SAMD3: variants seen among roughly 807,000 people sequenced by gnomAD.
SAMD3 encodes sterile alpha motif domain containing 3.
SAMD3 carries 63 observed loss-of-function variants against 58.5 expected under a neutral mutation model. The ratio of observed to expected loss-of-function variants is 1.08; its 90% confidence interval spans 0.88 to 1.33. The LOEUF (loss-of-function observed/expected upper bound fraction) is 1.33, where lower values mean the gene tolerates loss of function less well. SAMD3 is among the 40% of genes most tolerant of loss of function. The pLI, the probability that SAMD3 is intolerant of heterozygous loss-of-function variation, is 0.00. For missense variants in SAMD3, 604 were observed against 608.4 expected (o/e 0.99, Z 0.08); for synonymous variants, 220 against 210.3 (o/e 1.05, Z -0.40).
chr6:130,184,141 G>A lies in SAMD3; in HGVS notation c.616C>T (p.Gln206Ter), dbSNP rs1239640517. ...TCCTCATCCAGGAAAGGGTGGGCCT[G>A]CAGCAGGGCATTAACCACGTCATTG... ...QYNDVVNALL[Q>*]AHPFLDEDGC... Residue 206 changes from glutamine to a stop codon, truncating the protein, a stop_gained, in exon 7 of 12, where the codon CAG becomes TAG. Coordinates refer to ENST00000439090, the MANE Select transcript of SAMD3 (RefSeq NM_001017373.4). LOFTEE classifies it high-confidence loss of function. 5.0e-6 allele frequency: 8 copies of A among 1,613,996 alleles called. No homozygotes were observed. Among genetic ancestry groups the A allele is most frequent in the African/African-American group, 4.0e-5 (3 of 74,932 alleles).
At chr6:130,335,424 C>A (rs1445279875) in intron 1 of SAMD3, among the ~76,000 whole-genome samples, 4 of 152,164 alleles carry the variant, frequency 2.6e-5, no homozygotes, top group Non-Finnish European at 5.9e-5. Flanking sequence ...CTGTGTCCTA[C>A]TAAGTGAAGG....
At chr6:130,354,227 G>A (rs1777760978) in intron 1 of SAMD3, among the ~76,000 whole-genome samples, 1 of 152,232 alleles carries the variant, frequency 6.6e-6, no homozygotes. Context: ...CTGTTGGTGG[G>A]AGTGTAAATT....
intron 1 of SAMD3, among the ~76,000 whole-genome samples, chr6:130,351,818 G>A (rs1777678596): frequency 1.3e-5 from 2 of 152,120 alleles, no homozygotes; most frequent in Admixed American, 1.3e-4. Flanking sequence ...CAACCCAAAT[G>A]TCCATCAATG....
At chr6:130,215,817 GAGA>G (rs1562460187) in intron 2 of SAMD3, 4 of 1,534,882 alleles carry the variant, frequency 2.6e-6, no homozygotes, top group East Asian at 2.4e-5. Context: ...TCCTGGCTAG[GAGA>G]AGGAGATTGT....
intron 2 of SAMD3, among the ~76,000 whole-genome samples, chr6:130,277,711 TGTG>T (rs763899690): frequency 1.3e-5 from 2 of 152,278 alleles, no homozygotes; most frequent in East Asian, 3.9e-4. Context: ...TGGTTTATAA[TGTG>T]GTAACAAGCA....
intron 1 of SAMD3, among the ~76,000 whole-genome samples, chr6:130,219,009 T>G (rs1439828782): frequency 2.0e-5 from 3 of 152,186 alleles, no homozygotes; most frequent in Admixed American, 1.3e-4. Context: ...AAAGATTATT[T>G]AGGCAGCTGA....
rs550566716 is a variant in SAMD3 at position 130,173,023 on chromosome 6, C to T, written c.822+2818G>A. On this transcript the variant is annotated intron_variant, in intron 8 of 11. Transcript: ENST00000439090. ...CACTATGGATACTTGACGAAGTTCT[C>T]GTCCTGTGTTTTTCAGCTCCATCAG... is the stretch of plus-strand genomic sequence containing the variant. Among the ~76,000 whole-genome samples, 9 of 152,182 alleles carry T rather than the reference C, an allele frequency of 5.9e-5. No homozygotes were observed. In the South Asian group the frequency reaches 1.5e-3, roughly 25 times the overall value.
At chr6:130,247,907 G>T (rs1386985435) in intron 2 of SAMD3, among the ~76,000 whole-genome samples, 1 of 152,070 alleles carries the variant, frequency 6.6e-6, no homozygotes, top group Non-Finnish European at 1.5e-5. Flanking sequence ...TCTACCTCTA[G>T]TGTGTTTCTG....
chr6:130,150,068 T>G (rs1443916537), intron 9 of SAMD3, among the ~76,000 whole-genome samples: 1 of 152,190 alleles, frequency 6.6e-6, no homozygotes, highest in Non-Finnish European at 1.5e-5. Context: ...CAGATAACTG[T>G]TCTTTTCAGC....
intron 2 of SAMD3, among the ~76,000 whole-genome samples, chr6:130,287,446 T>C (rs1423383956): frequency 1.3e-5 from 2 of 152,160 alleles, no homozygotes; most frequent in Admixed American, 6.5e-5. Flanking sequence ...AAAAGCAGAA[T>C]AAATAACTAT....
Position 130,144,694 on chromosome 6 carries a change from A to C in SAMD3, c.1389T>G (p.Val463=), listed in dbSNP as rs1209748381. Residue 463 remains valine, a synonymous_variant, in exon 12 of 12, where the codon GTT becomes GTG. Coordinates refer to ENST00000439090, the MANE Select transcript of SAMD3 (RefSeq NM_001017373.4). ...RERLTKVDDC[V]TALAALVAAF... The stretch of plus-strand genomic sequence containing the variant: ...CAGCTACTAGCGCAGCCAAGGCTGT[A>C]ACACAGTCGTCCACCTTTGTGAGCC... 1 of 1,614,086 alleles carries C rather than the reference A, an allele frequency of 6.2e-7. No individual in the cohort carries two copies. Among genetic ancestry groups the C allele is most frequent in the South Asian group, 1.1e-5 (1 of 90,986 alleles).
At chr6:130,255,999 CTTCT>C (rs1250504499) in intron 2 of SAMD3, among the ~76,000 whole-genome samples, 1 of 151,590 alleles carries the variant, frequency 6.6e-6, no homozygotes, top group Non-Finnish European at 1.5e-5. Context: ...AGGTATTTTG[CTTCT>C]TTCTTTCTTG....
intron 2 of SAMD3, among the ~76,000 whole-genome samples, chr6:130,238,143 A>C (rs1461983379): frequency 6.6e-6 from 1 of 152,216 alleles, no homozygotes; most frequent in African/African-American, 2.4e-5. Flanking sequence ...TTTATAAAAA[A>C]ACAAATTTTC....
chr6:130,273,602 G>GTT (rs1774653767), intron 2 of SAMD3, among the ~76,000 whole-genome samples: 2 of 127,704 alleles, frequency 1.6e-5, no homozygotes, highest in Non-Finnish European at 3.3e-5. Flanking sequence ...GCATTTTATT[G>GTT]ATTTTTTTTG....
intron 5 of SAMD3, among the ~76,000 whole-genome samples, chr6:130,191,053 C>T (rs997242280): frequency 6.6e-6 from 1 of 151,494 alleles, no homozygotes; most frequent in African/African-American, 2.4e-5. Context: ...CAATACTTGA[C>T]CATACTAGAT....
chr6:130,143,779 G>T (rs1373710989), downstream of SAMD3: 1 of 152,248 alleles, frequency 6.6e-6, no homozygotes. Context: ...GAGGGAGAGT[G>T]CACTGAGTCT....
intron 2 of SAMD3, among the ~76,000 whole-genome samples, chr6:130,265,308 T>G (rs1774301118): frequency 6.6e-6 from 1 of 152,118 alleles, no homozygotes; most frequent in Non-Finnish European, 1.5e-5. Flanking sequence ...GAGCTGTACG[T>G]GGATGGGAGC....
intron 2 of SAMD3, among the ~76,000 whole-genome samples, chr6:130,290,069 T>C (rs911449016): frequency 3.9e-5 from 6 of 152,232 alleles, no homozygotes; most frequent in African/African-American, 1.4e-4. Flanking sequence ...TGATAAAGGT[T>C]ATATAATATA....
At chr6:130,212,623 A>G (rs2114838429) in intron 4 of SAMD3, among the ~76,000 whole-genome samples, 1 of 152,366 alleles carries the variant, frequency 6.6e-6, no homozygotes, top group Non-Finnish European at 1.5e-5. Flanking sequence ...CCAACATTTA[A>G]TATAATCAAT....
Sources: gnomAD v4.1 joint callset for allele counts (sites outside exome capture counted in the v4.1 genomes callset) on GRCh38, gnomAD v4.1.1 for gene constraint, MANE v1.5 for transcripts, NCBI Gene and HGNC (gene_info 2026-07-23, HGNC 2026-07-21) for gene names.